RBMS3: variants seen among roughly 807,000 people sequenced by gnomAD.
RBMS3 encodes the protein RNA-binding motif, single-stranded-interacting protein 3.
In RBMS3, 27 loss-of-function variants were observed where a neutral mutation model predicts 66.8. The observed-to-expected ratio is 0.40, with a 90% CI of 0.30 to 0.56. The LOEUF (loss-of-function observed/expected upper bound fraction) is 0.56, where lower values mean the gene tolerates loss of function less well. Among genes scored for constraint, RBMS3 ranks in the 20% least tolerant of loss-of-function variants. The probability of loss-of-function intolerance (pLI) is 0.40; values close to 1 mark genes in which losing one functional copy is unlikely to be tolerated. For missense variants in RBMS3, 513 were observed against 549.5 expected (o/e 0.93, Z 0.66); for synonymous variants, 188 against 183.0 (o/e 1.03, Z -0.22).
intron 5 of RBMS3, among the ~76,000 whole-genome samples, chr3:29,750,473 A>G (rs1348320004): frequency 2.0e-5 from 3 of 152,234 alleles, no homozygotes; most frequent in Non-Finnish European, 4.4e-5. Flanking sequence ...ATATATCAAG[A>G]CATATCTGAA....
intron 6 of RBMS3, among the ~76,000 whole-genome samples, chr3:29,840,411 AT>A (rs920488312): frequency 5.9e-5 from 9 of 152,170 alleles, no homozygotes; most frequent in African/African-American, 1.9e-4. Flanking sequence ...GGGTGGGCTT[AT>A]TTTACATTTT....
At chr3:29,330,114 C>T (rs1419495537) in intron 1 of RBMS3, among the ~76,000 whole-genome samples, 1 of 152,086 alleles carries the variant, frequency 6.6e-6, no homozygotes, top group Admixed American at 6.6e-5. Context: ...GTCTGTACCA[C>T]ATAGACATCA....
rs115839922 is a variant in RBMS3 at position 29,986,051 on chromosome 3, C to T, written c.1099-2092C>T. Among the ~76,000 whole-genome samples, 931 of 152,196 alleles carry T rather than the reference C, an allele frequency of 6.1e-3. 8 individuals are homozygous for T. Among genetic ancestry groups the T allele is most frequent in the African/African-American group, 0.021 (887 of 41,520 alleles). ...TCCTCTTATGCAAAGGATACACATA[C>T]TAACTTACTGGGCAAGTTGCAAAGT... is the stretch of plus-strand genomic sequence containing the variant. On this transcript the variant is annotated intron_variant, in intron 12 of 14. Coordinates refer to ENST00000383767, the MANE Select transcript of RBMS3 (RefSeq NM_001003793.3).
At chr3:29,909,362 T>C (rs2060463048) in intron 10 of RBMS3, among the ~76,000 whole-genome samples, 1 of 152,108 alleles carries the variant, frequency 6.6e-6, no homozygotes, top group Non-Finnish European at 1.5e-5. Context: ...AGTGGAGTAA[T>C]GTATGAATCA....
chr3:29,684,947 T>C (rs926970611), intron 4 of RBMS3, among the ~76,000 whole-genome samples: 12 of 152,316 alleles, frequency 7.9e-5, no homozygotes, highest in Admixed American at 5.2e-4. Context: ...TATTGTTTCT[T>C]TTTTTAGATT....
At chr3:29,572,610 G>C (rs767673500) in intron 3 of RBMS3, among the ~76,000 whole-genome samples, 1 of 152,080 alleles carries the variant, frequency 6.6e-6, no homozygotes, top group Non-Finnish European at 1.5e-5. Flanking sequence ...CCTCCAAGAC[G>C]TAAATCCCAC....
rs577241878 is a variant in RBMS3 at position 29,980,214 on chromosome 3, G to C, written c.1099-7929G>C. ...TGATGAGCTTTTTTTTCATATGTTT[G>C]TTGGCCACACAAATGTCTTCTTTTG... On this transcript the variant is annotated intron_variant, in intron 12 of 14. Transcript: ENST00000383767. 5.5e-4 allele frequency among the ~76,000 whole-genome samples: 83 copies of C among 152,072 alleles called. 2 individuals carry two copies. The South Asian group carries it at 0.013, about 25-fold the overall frequency.
intron 1 of RBMS3, among the ~76,000 whole-genome samples, chr3:29,323,248 T>C (rs1392223379): frequency 6.6e-6 from 1 of 151,218 alleles, no homozygotes; most frequent in Non-Finnish European, 1.5e-5. Context: ...TTATATGTTA[T>C]TTTTTGAAGT....
chr3:29,339,349 G>A (rs569351544), intron 1 of RBMS3, among the ~76,000 whole-genome samples: 2 of 152,304 alleles, frequency 1.3e-5, no homozygotes, highest in East Asian at 1.9e-4. Context: ...GAAATCAGTT[G>A]TTCTCTCAGT....
At chr3:29,350,785 C>T (rs1437273709) in intron 1 of RBMS3, among the ~76,000 whole-genome samples, 1 of 151,518 alleles carries the variant, frequency 6.6e-6, no homozygotes, top group Admixed American at 6.6e-5. Flanking sequence ...AAAAAAGGAC[C>T]CCCAAAATGT....
At position 29,295,046 on chromosome 3, in the gene RBMS3, C is replaced by A. The variant is rs574918237; in HGVS notation, c.75+13290C>A. 2.7e-3 allele frequency among the ~76,000 whole-genome samples: 402 copies of A among 151,590 alleles called. 3 individuals carry two copies. The highest frequency in any genetic ancestry group is 9.0e-3 in the African/African-American group (373 of 41,458). On this transcript the variant is annotated intron_variant, in intron 1 of 14. Coordinates refer to ENST00000383767, the MANE Select transcript of RBMS3 (RefSeq NM_001003793.3). Reference sequence around the variant, plus strand: ...GTATAAAGACATATCTAAACTAATGCAAGATAACGTTAGATGAAATTCTGA... The same window carrying A: ...GTATAAAGACATATCTAAACTAATGAAAGATAACGTTAGATGAAATTCTGA...
intron 3 of RBMS3, among the ~76,000 whole-genome samples, chr3:29,576,090 G>A (rs1165444929): frequency 6.6e-6 from 1 of 152,080 alleles, no homozygotes; most frequent in Non-Finnish European, 1.5e-5. Context: ...GGACATTGAA[G>A]AGTTAGGTAT....
intron 6 of RBMS3, among the ~76,000 whole-genome samples, chr3:29,820,470 C>T (rs2058051204): frequency 6.6e-6 from 1 of 151,918 alleles, no homozygotes; most frequent in Non-Finnish European, 1.5e-5. Flanking sequence ...TCTGGTACTT[C>T]AATCAAATGC....
chr3:29,289,241 G>T (rs548952182), intron 1 of RBMS3, among the ~76,000 whole-genome samples: 1 of 151,986 alleles, frequency 6.6e-6, no homozygotes, highest in South Asian at 2.1e-4. Flanking sequence ...TGAAGTTACT[G>T]AACTGTTAAG....
At chr3:29,469,054 T>A (rs1480578249) in intron 2 of RBMS3, among the ~76,000 whole-genome samples, 1 of 152,102 alleles carries the variant, frequency 6.6e-6, no homozygotes, top group Admixed American at 6.6e-5. Flanking sequence ...TTGGAACTAG[T>A]TTATGACTCA....
chr3:29,359,487 G>T (rs1164113840), intron 1 of RBMS3, among the ~76,000 whole-genome samples: 1 of 152,142 alleles, frequency 6.6e-6, no homozygotes, highest in Non-Finnish European at 1.5e-5. Flanking sequence ...TGTTCATCAG[G>T]GGTATTGGTC....
intron 4 of RBMS3, among the ~76,000 whole-genome samples, chr3:29,656,468 G>A (rs1354396583): frequency 1.3e-5 from 2 of 152,134 alleles, no homozygotes; most frequent in Non-Finnish European, 2.9e-5. Flanking sequence ...ATGCCGTCTA[G>A]GTGTGTCTAA....
At chr3:29,888,114 G>A (rs893865965) in intron 8 of RBMS3, among the ~76,000 whole-genome samples, 5 of 151,598 alleles carry the variant, frequency 3.3e-5, no homozygotes, top group African/African-American at 1.2e-4. Context: ...AATATGAAAT[G>A]TCTTTATTTA....
intron 1 of RBMS3, among the ~76,000 whole-genome samples, chr3:29,339,314 G>A (rs917035495): frequency 2.0e-5 from 3 of 152,142 alleles, no homozygotes; most frequent in Non-Finnish European, 4.4e-5. Flanking sequence ...TCTTGGGGGC[G>A]GGAGCATTAA....
Sources: allele counts gnomAD v4.1 joint callset (sites outside exome capture counted in the v4.1 genomes callset), GRCh38; gene constraint gnomAD v4.1.1; transcripts MANE v1.5; gene names NCBI Gene and HGNC (gene_info 2026-07-23, HGNC 2026-07-21).